The following GRM5 variants were observed in gnomAD, a reference collection of about 807,000 sequenced individuals.
GRM5 encodes the protein metabotropic glutamate receptor 5.
In GRM5, 19 loss-of-function variants were observed where a neutral mutation model predicts 83.1. The ratio of observed to expected loss-of-function variants is 0.23; its 90% CI spans 0.16 to 0.34. The LOEUF (loss-of-function observed/expected upper bound fraction) is 0.34, where lower values mean the gene tolerates loss of function less well. GRM5 is among the 10% of genes least tolerant of loss of function. The pLI is 1.00. For synonymous variants in GRM5, 675 were observed against 633.6 expected (o/e 1.07, Z -0.98); for missense variants, 1,160 against 1,588.3 (o/e 0.73, Z 4.58).
intron 2 of GRM5, among the ~76,000 whole-genome samples, chr11:88,853,869 T>C (rs769838381): frequency 7.6e-6 from 1 of 131,680 alleles, no homozygotes; most frequent in Non-Finnish European, 1.7e-5. Flanking sequence ...TGTAAATTAG[T>C]ACACCCATTA....
At chr11:88,604,655 T>G in intron 5 of GRM5, 63 bp downstream of exon 5, 1 of 1,361,338 alleles carries the variant, frequency 7.3e-7, no homozygotes. Context: ...AAGAGACATT[T>G]CAGGATCAAG....
intron 2 of GRM5, among the ~76,000 whole-genome samples, chr11:88,928,627 G>A (rs905373890): frequency 6.6e-6 from 1 of 151,706 alleles, no homozygotes. Context: ...ATCAATCACT[G>A]ATAAAATGAC....
chr11:89,040,734 G>A (rs1941511411), intron 2 of GRM5, among the ~76,000 whole-genome samples: 1 of 151,252 alleles, frequency 6.6e-6, no homozygotes, highest in Non-Finnish European at 1.5e-5. Context: ...AAGGGAGAGA[G>A]ACAAAGAAAA....
chr11:88,902,950 CAAAAAA>C (rs201996144), intron 2 of GRM5, among the ~76,000 whole-genome samples: 1 of 61,920 alleles, frequency 1.6e-5, no homozygotes, highest in African/African-American at 1.1e-4. Context: ...GACTCCATCT[CAAAAAA>C]AAAAAAAAAA....
intron 2 of GRM5, among the ~76,000 whole-genome samples, chr11:88,878,877 A>G (rs1371586587): frequency 1.3e-5 from 2 of 152,180 alleles, no homozygotes; most frequent in Non-Finnish European, 2.9e-5. Context: ...GGCTTTCTGG[A>G]AAAGACAAAA....
intron 3 of GRM5, among the ~76,000 whole-genome samples, chr11:88,734,972 TTAAAA>T (rs1305003904): frequency 5.3e-5 from 8 of 152,152 alleles, no homozygotes; most frequent in South Asian, 2.1e-4. Flanking sequence ...TAGTAACATA[TTAAAA>T]TAAATAAGTT....
intron 3 of GRM5, among the ~76,000 whole-genome samples, chr11:88,795,150 CT>C (rs1466779554): frequency 6.6e-6 from 1 of 152,198 alleles, no homozygotes; most frequent in African/African-American, 2.4e-5. Context: ...GGATTGAGAT[CT>C]CCACATGTAG....
At chr11:88,923,959 GA>G (rs1945738984) in intron 2 of GRM5, among the ~76,000 whole-genome samples, 1 of 150,766 alleles carries the variant, frequency 6.6e-6, no homozygotes, top group African/African-American at 2.4e-5. Flanking sequence ...AAATTAAAGG[GA>G]AAAATAAATA....
intron 3 of GRM5, among the ~76,000 whole-genome samples, chr11:88,668,390 G>A (rs1940106319): frequency 6.7e-6 from 1 of 148,508 alleles, no homozygotes; most frequent in Admixed American, 6.8e-5. Context: ...ACCTTTAGAC[G>A]AGAAATAACA....
At chr11:88,920,149 T>C (rs1945663492) in intron 2 of GRM5, among the ~76,000 whole-genome samples, 1 of 151,900 alleles carries the variant, frequency 6.6e-6, no homozygotes, top group African/African-American at 2.4e-5. Flanking sequence ...AACAAACCTT[T>C]AGCCAGACTA....
At chr11:88,541,923 T>C (rs772818257) in intron 8 of GRM5, among the ~76,000 whole-genome samples, 7 of 152,312 alleles carry the variant, frequency 4.6e-5, no homozygotes, top group Admixed American at 2.6e-4. Flanking sequence ...CTTCTCATGA[T>C]AGTGAGTGAC....
intron 2 of GRM5, among the ~76,000 whole-genome samples, chr11:88,951,706 A>G (rs539049903): frequency 6.6e-6 from 1 of 152,342 alleles, no homozygotes; most frequent in Non-Finnish European, 1.5e-5. Flanking sequence ...TGTAAACAAC[A>G]ACGTCTATAG....
rs376893511 is a variant in GRM5 at position 88,561,534 on chromosome 11, T to C, written c.2630+5519A>G. On this transcript the variant is annotated intron_variant, in intron 8 of 9. Transcript: ENST00000305447. Reference sequence around the variant, plus strand: ...TCTGAATCTTGCAGAGCTAGAACTTTAGATTCATCAGATTCAATGCTTTAT... The same window carrying C: ...TCTGAATCTTGCAGAGCTAGAACTTCAGATTCATCAGATTCAATGCTTTAT... Among the ~76,000 whole-genome samples, 45 of 152,316 alleles carry C rather than the reference T, an allele frequency of 3.0e-4. No individual in the cohort carries two copies. The South Asian group carries it at 8.9e-3, about 30-fold the overall frequency.
chr11:88,849,930 G>T lies in GRM5; in HGVS notation c.887C>A (p.Ala296Glu), dbSNP rs202165348. 6.8e-6 allele frequency: 11 copies of T among 1,613,810 alleles called. No homozygotes were observed. Among genetic ancestry groups the T allele is most frequent in the African/African-American group, 1.3e-5 (1 of 74,874 alleles). Residue 296 changes from alanine (A) to glutamate (E), a missense_variant, in exon 3 of 10, where the codon GCG becomes GAG. Ala to Glu is a moderately radical substitution (Grantham distance 107). Around this residue, in one of 9 missense-constraint regions of GRM5, gnomAD observed 84 missense variants for 231.0 expected, o/e 0.36. Coordinates refer to ENST00000305447, the MANE Select transcript of GRM5 (RefSeq NM_001143831.3). ...LLMAMRRLGL[A>E]GEFLLLGSDG... ...CCTGCCCAGAAGCAGAAATTCTCCC[G>T]CTAGACCCAGGCGCCTCATGGCCAT...
intron 2 of GRM5, among the ~76,000 whole-genome samples, chr11:88,943,312 A>C (rs1228661860): frequency 2.0e-5 from 3 of 152,080 alleles, no homozygotes; most frequent in Non-Finnish European, 4.4e-5. Context: ...AGAAATCATC[A>C]CAAAATTTAT....
At chr11:88,912,927 G>A (rs1474665867) in intron 2 of GRM5, among the ~76,000 whole-genome samples, 1 of 152,138 alleles carries the variant, frequency 6.6e-6, no homozygotes, top group Non-Finnish European at 1.5e-5. Context: ...ACATACATGA[G>A]CATGGAACTT....
At chr11:88,804,257 T>C (rs35045239) in intron 3 of GRM5, among the ~76,000 whole-genome samples, 53,491 of 136,316 alleles carry the variant, frequency 0.39, 12,080 homozygotes, top group African/African-American at 0.66. Context: ...TGTGGCATTA[T>C]TCACAATAGC....
At chr11:88,771,471 G>C (rs751965807) in intron 3 of GRM5, among the ~76,000 whole-genome samples, 1 of 152,112 alleles carries the variant, frequency 6.6e-6, no homozygotes, top group African/African-American at 2.4e-5. Context: ...CCTGGAGTCT[G>C]ATGTTCAAGG....
chr11:88,776,270 T>C (rs1942846650), intron 3 of GRM5, among the ~76,000 whole-genome samples: 1 of 152,174 alleles, frequency 6.6e-6, no homozygotes, highest in African/African-American at 2.4e-5. Flanking sequence ...AACCCCTGTT[T>C]TTTTTGCTTT....
Sources: gnomAD v4.1 joint callset for allele counts (sites outside exome capture counted in the v4.1 genomes callset) on GRCh38, gnomAD v4.1.1 for gene constraint, gnomAD v4.1.1 regional missense constraint, MANE v1.5 for transcripts, NCBI Gene and HGNC (gene_info 2026-07-23, HGNC 2026-07-21) for gene names.